Variants in ACSBG1 observed in about 807,000 individuals in gnomAD.
ACSBG1 encodes the protein acyl-CoA synthetase bubblegum family member 1, also known as long-chain-fatty-acid--CoA ligase ACSBG1.
In ACSBG1, 39 loss-of-function variants were observed where a neutral mutation model predicts 80.2. That is an observed-to-expected ratio of 0.49 (90% CI 0.38 to 0.64). The LOEUF is 0.64. Among genes scored for constraint, ACSBG1 ranks in the 30% least tolerant of loss-of-function variants. The pLI is 0.00. For missense variants in ACSBG1, 828 were observed against 966.4 expected (o/e 0.86, Z 1.90); for synonymous variants, 392 against 379.5 (o/e 1.03, Z -0.38).
chr15:78,196,416 G>C (rs2075115421), intron 2 of ACSBG1, among the ~76,000 whole-genome samples: 1 of 152,196 alleles, frequency 6.6e-6, no homozygotes, highest in South Asian at 2.1e-4. Context: ...TGTGCTGTTT[G>C]ACCTAACAAA....
At chr15:78,181,555 G>A (rs547495911) in intron 8 of ACSBG1, among the ~76,000 whole-genome samples, 18 of 145,036 alleles carry the variant, frequency 1.2e-4, no homozygotes, top group African/African-American at 3.9e-4. Flanking sequence ...GTACAGTGGC[G>A]TGATCTCGGC....
In ACSBG1 at chr15:78,194,754, G is replaced by T. The variant is rs767265375; in HGVS notation, c.233-28C>A. 1.1e-5 allele frequency: 18 copies of T among 1,603,086 alleles called. No individual in the cohort carries two copies. In the South Asian group the frequency reaches 1.8e-4, roughly 16 times the overall value. On this transcript the variant is annotated intron_variant, in intron 2 of 13. Transcript: ENST00000258873. ...GTGGGGTGGGGGAGACCACAGCTTGGATCATGCCAGCCTGGGGACACTTGT... is the reference window on the plus strand; with the variant it reads ...GTGGGGTGGGGGAGACCACAGCTTGTATCATGCCAGCCTGGGGACACTTGT...
intron 1 of ACSBG1, among the ~76,000 whole-genome samples, chr15:78,220,492 G>A (rs2075351739): frequency 6.6e-6 from 1 of 152,122 alleles, no homozygotes; most frequent in Non-Finnish European, 1.5e-5. Flanking sequence ...ATTAAAACCT[G>A]ATGTGCTTCA....
At chr15:78,190,936 A>G (rs1218732324) in intron 5 of ACSBG1, among the ~76,000 whole-genome samples, 1 of 152,226 alleles carries the variant, frequency 6.6e-6, no homozygotes, top group Non-Finnish European at 1.5e-5. Flanking sequence ...CAAATAAAAA[A>G]ATAGCCAAAT....
chr15:78,179,913 G>A (rs1435776458), intron 9 of ACSBG1, 133 bp from the exon 10 acceptor site: 5 of 730,126 alleles, frequency 6.8e-6, no homozygotes, highest in Non-Finnish European at 1.1e-5. Context: ...CCAGTTGTCT[G>A]TTCCAGTTGG....
intron 1 of ACSBG1, among the ~76,000 whole-genome samples, chr15:78,233,139 AG>A (rs2075462125): frequency 6.6e-6 from 1 of 152,152 alleles, no homozygotes; most frequent in Admixed American, 6.5e-5. Context: ...GCTTTCTTCC[AG>A]GGGCCCTTGA....
intron 2 of ACSBG1, 85 bp downstream of exon 2, chr15:78,207,917 T>TCCCCCCCCCCCCCCCCCCCCCCCCCC: frequency 4.6e-6 from 4 of 876,066 alleles, no homozygotes; most frequent in Non-Finnish European, 5.5e-6. Flanking sequence ...TGTGTGGTGG[T>TCCCCCCCCCCCCCCCCCCCCCCCCCC]CCCCCACACC....
intron 5 of ACSBG1, among the ~76,000 whole-genome samples, chr15:78,185,799 T>A (rs2074997749): frequency 6.6e-6 from 1 of 151,840 alleles, no homozygotes; most frequent in African/African-American, 2.4e-5. Flanking sequence ...GAAAATAAGA[T>A]ATCGTAGACG....
In ACSBG1 at chr15:78,169,145, T is replaced by C; in HGVS notation, c.*2299A>G. ...TAGATCTGGCCTTTTCTTAACAAAA[T>C]CTGTGCAAAAGATGCAGGTGGATGT... On this transcript the variant is annotated 3_prime_UTR_variant, in exon 14 of 14. Coordinates refer to ENST00000258873, the MANE Select transcript of ACSBG1 (RefSeq NM_015162.5). 2.0e-6 allele frequency: 1 copy of C among 508,430 alleles called. No homozygotes were observed. The highest frequency in any genetic ancestry group is 3.5e-6 in the Non-Finnish European group (1 of 289,766). 31.5% of individuals were successfully genotyped at this position (508,430 alleles called of 1,614,324 possible).
At chr15:78,198,482 G>A (rs1259675175) in intron 2 of ACSBG1, among the ~76,000 whole-genome samples, 1 of 152,094 alleles carries the variant, frequency 6.6e-6, no homozygotes, top group African/African-American at 2.4e-5. Flanking sequence ...AAGTAGCTGG[G>A]ATTACAGGTG....
At chr15:78,186,541 A>C (rs1408274609) in intron 5 of ACSBG1, among the ~76,000 whole-genome samples, 1 of 152,256 alleles carries the variant, frequency 6.6e-6, no homozygotes, top group African/African-American at 2.4e-5. Flanking sequence ...GCTCAACTAC[A>C]TGGAAACTGA....
At chr15:78,184,890 A>C (rs2074983168) in intron 5 of ACSBG1, among the ~76,000 whole-genome samples, 1 of 152,180 alleles carries the variant, frequency 6.6e-6, no homozygotes, top group Non-Finnish European at 1.5e-5. Context: ...CAGATACTGG[A>C]CTACAGACAG....
intron 5 of ACSBG1, among the ~76,000 whole-genome samples, chr15:78,188,343 C>G (rs2075025034): frequency 2.6e-5 from 4 of 151,968 alleles, no homozygotes; most frequent in Admixed American, 2.6e-4. Context: ...TCATATGGAA[C>G]CAAAAAAGAG....
chr15:78,234,462 C>T lies in ACSBG1; in HGVS notation c.40G>A (p.Gly14Arg), dbSNP rs200320926. Residue 14 changes from glycine to arginine, a missense_variant, in exon 1 of 14, where the codon GGG (glycine) becomes AGG (arginine). Around this residue, in one of 3 missense-constraint regions of ACSBG1, gnomAD observed 356 missense variants for 363.5 expected, o/e 0.98. Coordinates refer to ENST00000258873, the MANE Select transcript of ACSBG1 (RefSeq NM_015162.5). ...CTGCTGTCCAGCATGCTGGGGTCCC[C>T]GTGTGGGCAGCCGTATCCAGCTCCA... is the stretch of plus-strand genomic sequence containing the variant. ...NSGAGYGCPH[G>R]DPSMLDSRET... is the part of the protein sequence containing the mutation. 32 of 1,612,442 alleles carry T rather than the reference C, an allele frequency of 2.0e-5. No homozygotes were observed. Among genetic ancestry groups the T allele is most frequent in the Admixed American group, 8.3e-5 (5 of 60,022 alleles).
chr15:78,179,081 G>C (rs2074913755), intron 10 of ACSBG1: 2 of 543,914 alleles, frequency 3.7e-6, no homozygotes, highest in African/African-American at 1.9e-5. Context: ...AGGCTGGCAG[G>C]GAGAGGAGAT....
chr15:78,198,763 G>A (rs2141355026), intron 2 of ACSBG1, among the ~76,000 whole-genome samples: 1 of 152,298 alleles, frequency 6.6e-6, no homozygotes, highest in East Asian at 1.9e-4. Flanking sequence ...TTCATACAAG[G>A]ACTTAGGTTT....
intron 2 of ACSBG1, among the ~76,000 whole-genome samples, chr15:78,199,272 G>A (rs115193971): frequency 3.8e-4 from 58 of 151,926 alleles, no homozygotes; most frequent in South Asian, 1.0e-3. Context: ...TGGTAGAGAC[G>A]TGGGGGTTAG....
At chr15:78,171,765 A>G (rs2074825845) in intron 13 of ACSBG1, 2 of 411,474 alleles carry the variant, frequency 4.9e-6, no homozygotes, top group Non-Finnish European at 4.4e-6. Flanking sequence ...AAGGGTTGGT[A>G]TGTCACCTCT....
intron 8 of ACSBG1, among the ~76,000 whole-genome samples, chr15:78,181,717 T>C (rs1284802423): frequency 6.6e-6 from 1 of 152,084 alleles, no homozygotes; most frequent in Non-Finnish European, 1.5e-5. Flanking sequence ...ATGGTCTTGA[T>C]CTCCTGACCT....
Sources: allele counts gnomAD v4.1 joint callset (sites outside exome capture counted in the v4.1 genomes callset), GRCh38; gene constraint gnomAD v4.1.1; regional missense constraint gnomAD v4.1.1; transcripts MANE v1.5; gene names NCBI Gene and HGNC (gene_info 2026-07-23, HGNC 2026-07-21).